CPEB2: variants seen among roughly 807,000 people sequenced by gnomAD.
The protein encoded by CPEB2 is cytoplasmic polyadenylation element binding protein 2, also known as cytoplasmic polyadenylation element-binding protein 2.
A neutral mutation model predicts 93.6 loss-of-function variants in CPEB2; 56 were observed. The observed-to-expected ratio is 0.60, with a 90% CI of 0.48 to 0.75. CPEB2 has a LOEUF of 0.75. Among genes scored for constraint, CPEB2 ranks in the 30% least tolerant of loss-of-function variants. CPEB2 has a pLI of 0.00. For missense variants in CPEB2, 1,579 were observed against 1,395.1 expected, an observed-to-expected ratio of 1.13 and a Z score of -2.10; for synonymous variants, 764 against 586.3, an observed-to-expected ratio of 1.30 and a Z score of -4.38.
chr4:15,003,217 T>A lies in CPEB2; in HGVS notation c.544T>A (p.Phe182Ile). 6.5e-7 allele frequency: 1 copy of A among 1,530,532 alleles called. No homozygotes were observed. The highest frequency in any genetic ancestry group is 1.2e-5 in the South Asian group (1 of 83,842). The allele number at this position is 1,530,532 out of a possible 1,614,324, so 94.8% of individuals were successfully genotyped here. Residue 182 changes from phenylalanine (F) to isoleucine (I), a missense_variant, in exon 1 of 12, where the codon TTC (phenylalanine) becomes ATC (isoleucine). This residue lies in a region of CPEB2 where 1,411 missense variants were observed against 1,056.0 expected (regional missense o/e 1.34). Transcript: ENST00000538197. ...QQLSSQKRKE[F>I]SPPHLPHPPD... Reference sequence around the variant, plus strand: ...GCTGAGCAGCCAGAAGAGGAAAGAGTTCAGCCCTCCCCACCTTCCCCACCC... The same window carrying A: ...GCTGAGCAGCCAGAAGAGGAAAGAGATCAGCCCTCCCCACCTTCCCCACCC...
At position 15,002,815 on chromosome 4, in the gene CPEB2, C is replaced by CT; in HGVS notation, c.143dup (p.Ser49ValfsTer48). On this transcript the variant is annotated frameshift_variant, in exon 1 of 12. Coordinates refer to ENST00000538197, the MANE Select transcript of CPEB2 (RefSeq NM_001177382.2). LOFTEE classifies it high-confidence loss of function. Reference sequence around the variant, plus strand: ...GCCCTCCGCCACGCCCTTCGGCCCACTGTCGCCACCACCGTTGCCTGTCAC... The same window carrying CT: ...GCCCTCCGCCACGCCCTTCGGCCCACTTGTCGCCACCACCGTTGCCTGTCAC... The CT allele has an allele frequency of 6.5e-7, 1 of 1,535,440 alleles. No homozygotes were observed.
chr4:15,051,187 C>T (rs1415966690), intron 6 of CPEB2, among the ~76,000 whole-genome samples: 1 of 152,076 alleles, frequency 6.6e-6, no homozygotes, highest in East Asian at 1.9e-4. Context: ...TGCTCATTTT[C>T]AACTACCTTA....
At chr4:15,042,510 C>T (rs1727287670) in intron 6 of CPEB2, among the ~76,000 whole-genome samples, 1 of 152,176 alleles carries the variant, frequency 6.6e-6, no homozygotes. Context: ...TCCATTACGA[C>T]AGAACTGATG....
At chr4:15,041,456 G>C (rs1727182077) in intron 6 of CPEB2, among the ~76,000 whole-genome samples, 1 of 151,454 alleles carries the variant, frequency 6.6e-6, no homozygotes, top group South Asian at 2.1e-4. Context: ...AGGCTGGAGT[G>C]CAGTGGCGCG....
chr4:15,029,582 C>T (rs1280368322), intron 4 of CPEB2, among the ~76,000 whole-genome samples: 1 of 151,858 alleles, frequency 6.6e-6, no homozygotes, highest in South Asian at 2.1e-4. Context: ...TGCCTGGTTA[C>T]CTAAAATTTA....
intron 10 of CPEB2, among the ~76,000 whole-genome samples, chr4:15,059,989 TAG>T (rs1434692363): frequency 6.6e-6 from 1 of 152,198 alleles, no homozygotes; most frequent in African/African-American, 2.4e-5. Context: ...GAAGAGCATG[TAG>T]CAAGGAAATA....
chr4:15,029,017 C>T (rs1015940449), intron 4 of CPEB2, among the ~76,000 whole-genome samples: 1 of 151,918 alleles, frequency 6.6e-6, no homozygotes, highest in Non-Finnish European at 1.5e-5. Context: ...CCAGGACCAC[C>T]CAGAGATACC....
chr4:15,059,152 C>G (rs764838526), intron 9 of CPEB2, 35 bp from the exon 10 acceptor site: 3 of 1,271,060 alleles, frequency 2.4e-6, no homozygotes, highest in Non-Finnish European at 3.4e-6. Flanking sequence ...CATAAGACAT[C>G]AAGGGAGTAA....
At position 15,068,893 on chromosome 4, in the gene CPEB2, C is replaced by T. The variant is rs1280014598; in HGVS notation, c.*2513C>T. The T allele has an allele frequency of 1.3e-5, 2 of 151,970 alleles. No individual in the cohort carries two copies. Among genetic ancestry groups the T allele is most frequent in the African/African-American group, 4.8e-5 (2 of 41,318 alleles). The allele number at this position is 151,970 out of a possible 1,614,324, so 9.4% of individuals were successfully genotyped here. A position where few individuals can be genotyped will look rare whatever the true frequency, so the allele number is the denominator to read the frequency against. ...GTCTAATGTTTTGTTCCTTTCCCACCTCACCCCTACCTCTTTTGTTTTGTT... is the reference window on the plus strand; with the variant it reads ...GTCTAATGTTTTGTTCCTTTCCCACTTCACCCCTACCTCTTTTGTTTTGTT... On this transcript the variant is annotated 3_prime_UTR_variant, in exon 12 of 12. Transcript: ENST00000538197.
At chr4:15,044,287 A>T (rs1230445562) in intron 6 of CPEB2, among the ~76,000 whole-genome samples, 1 of 152,214 alleles carries the variant, frequency 6.6e-6, no homozygotes, top group African/African-American at 2.4e-5. Context: ...AGCACAGTTG[A>T]GTAATTCCAA....
At chr4:15,026,943 T>G (rs1725538875) in intron 4 of CPEB2, among the ~76,000 whole-genome samples, 2 of 152,192 alleles carry the variant, frequency 1.3e-5, no homozygotes, top group Non-Finnish European at 2.9e-5. Flanking sequence ...CTGGCAATAT[T>G]TTGTTGCCCA....
At chr4:15,004,935 T>C (rs1722591869) in intron 1 of CPEB2, 1 of 152,280 alleles carries the variant, frequency 6.6e-6, no homozygotes, top group Admixed American at 6.5e-5. Context: ...GCTTTTTTTT[T>C]TCTTTGGAGT....
At chr4:15,021,144 CTA>C (rs1416149495) in intron 4 of CPEB2, among the ~76,000 whole-genome samples, 1 of 152,130 alleles carries the variant, frequency 6.6e-6, no homozygotes, top group East Asian at 1.9e-4. Flanking sequence ...CTATCTTTTG[CTA>C]TGGATCGTGA....
In CPEB2 at chr4:15,069,951, AAACAC is replaced by A. The variant is rs1729970050; in HGVS notation, c.*3572_*3576del. On this transcript the variant is annotated 3_prime_UTR_variant, in exon 12 of 12. Transcript: ENST00000538197. The stretch of plus-strand genomic sequence containing the variant: ...ACCCATGCTTTTATGGACACTAGGT[AAACAC>A]CTTCAGCTTAAATTTTTCGTTAAAT... The A allele has an allele frequency of 6.6e-6, 1 of 152,166 alleles. No individual in the cohort carries two copies. 9.4% of individuals were successfully genotyped at this position (152,166 alleles called of 1,614,324 possible).
intron 11 of CPEB2, among the ~76,000 whole-genome samples, chr4:15,065,678 G>A (rs1729634805): frequency 1.3e-5 from 2 of 152,048 alleles, no homozygotes; most frequent in Admixed American, 6.6e-5. Context: ...GTCTAGGCAT[G>A]CCCTTTGTAA....
At chr4:15,045,900 T>G (rs1727629823) in intron 6 of CPEB2, among the ~76,000 whole-genome samples, 1 of 152,202 alleles carries the variant, frequency 6.6e-6, no homozygotes, top group Non-Finnish European at 1.5e-5. Context: ...TAGCTTTTTG[T>G]ACGGAAATTG....
chr4:15,030,926 T>C (rs1160237627), intron 4 of CPEB2, among the ~76,000 whole-genome samples: 1 of 152,148 alleles, frequency 6.6e-6, no homozygotes, highest in Non-Finnish European at 1.5e-5. Flanking sequence ...AACAGGAACC[T>C]ATTAGAGTAA....
chr4:15,036,248 A>T (rs145178882), intron 5 of CPEB2, among the ~76,000 whole-genome samples: 10 of 152,284 alleles, frequency 6.6e-5, no homozygotes, highest in African/African-American at 2.4e-4. Context: ...TTTAAACAAT[A>T]AAAAAACCAT....
chr4:15,053,251 C>G (rs1370507004), intron 7 of CPEB2, among the ~76,000 whole-genome samples: 1 of 152,032 alleles, frequency 6.6e-6, no homozygotes, highest in East Asian at 1.9e-4. Flanking sequence ...CTCCTGACCT[C>G]ATGATCCGCC....
Sources: allele counts gnomAD v4.1 joint callset (sites outside exome capture counted in the v4.1 genomes callset), GRCh38; gene constraint gnomAD v4.1.1; regional missense constraint gnomAD v4.1.1; transcripts MANE v1.5; gene names NCBI Gene and HGNC (gene_info 2026-07-23, HGNC 2026-07-21).